CELF2: variants seen among roughly 807,000 people sequenced by gnomAD.
The protein encoded by CELF2 is CUG triplet repeat RNA-binding protein 2.
In CELF2, 8 loss-of-function variants were observed where a neutral mutation model predicts 62.6. That is an observed-to-expected ratio of 0.13 (90% confidence interval 0.07 to 0.23). The LOEUF is 0.23. Ranked by LOEUF, CELF2 falls within the 10% of genes least tolerant of loss-of-function variation. The pLI is 1.00. For missense variants in CELF2, 333 were observed against 671.0 expected (o/e 0.50, Z 5.56); for synonymous variants, 258 against 250.0 (o/e 1.03, Z -0.30).
At chr10:11,175,967 C>T (rs767932828) in intron 2 of CELF2, among the ~76,000 whole-genome samples, 8 of 152,188 alleles carry the variant, frequency 5.3e-5, no homozygotes, top group African/African-American at 9.7e-5. Flanking sequence ...AAACCAGTTT[C>T]GGGTTAGCCA....
Position 11,144,985 on chromosome 10 carries a change from C to G in CELF2, c.75-20501C>G, listed in dbSNP as rs149471074. The stretch of plus-strand genomic sequence containing the variant: ...GTTGAAAATATGCGAAGCTGTAAGA[C>G]TTTCTTGTTTATTTCTGTGTCGAAG... On this transcript the variant is annotated intron_variant, in intron 1 of 12. Coordinates refer to ENST00000633077, the MANE Select transcript of CELF2 (RefSeq NM_001326342.2). 8.0e-5 allele frequency among the ~76,000 whole-genome samples: 12 copies of G among 149,710 alleles called. 1 individual carries two copies. In the East Asian group the frequency reaches 2.2e-3, roughly 28 times the overall value.
chr10:11,167,961 C>G (rs60774675), intron 2 of CELF2, among the ~76,000 whole-genome samples: 1 of 152,142 alleles, frequency 6.6e-6, no homozygotes, highest in African/African-American at 2.4e-5. Context: ...CATGGTCCAT[C>G]TGTCTTCATG....
At chr10:10,591,365 G>A in the CELF2 span, among the ~76,000 whole-genome samples, 1 of 151,922 alleles carries the variant, frequency 6.6e-6, no homozygotes, top group Non-Finnish European at 1.5e-5. Context: ...AGATAACATG[G>A]GTATATGCTT....
chr10:10,567,373 G>C, the CELF2 span, among the ~76,000 whole-genome samples: 1 of 152,186 alleles, frequency 6.6e-6, no homozygotes, highest in Admixed American at 6.5e-5. Flanking sequence ...AGTGTCACAG[G>C]TCGGGTTCCC....
chr10:10,669,015 A>G, the CELF2 span, among the ~76,000 whole-genome samples: 1 of 152,202 alleles, frequency 6.6e-6, no homozygotes, highest in Non-Finnish European at 1.5e-5. Flanking sequence ...GACTATGAAT[A>G]TTAGTTGGTT....
At chr10:10,948,085 G>A (rs1216773156) in intron 2 of CELF2, among the ~76,000 whole-genome samples, 1 of 152,132 alleles carries the variant, frequency 6.6e-6, no homozygotes, top group Non-Finnish European at 1.5e-5. Flanking sequence ...CAGAAACCTG[G>A]GCTCATCAGA....
At chr10:10,807,937 C>A (rs2055404864) in intron 1 of CELF2, among the ~76,000 whole-genome samples, 1 of 152,136 alleles carries the variant, frequency 6.6e-6, no homozygotes, top group African/African-American at 2.4e-5. Context: ...CCCAGAGTAC[C>A]TGTCACAGAC....
At chr10:11,308,248 A>G (rs2094369094) in intron 9 of CELF2, among the ~76,000 whole-genome samples, 1 of 152,046 alleles carries the variant, frequency 6.6e-6, no homozygotes, top group Admixed American at 6.5e-5. Context: ...ATTTCTTTCC[A>G]TTTATCCTAC....
intron 1 of CELF2, among the ~76,000 whole-genome samples, chr10:11,135,713 T>C (rs770642965): frequency 6.6e-6 from 1 of 152,232 alleles, no homozygotes; most frequent in Non-Finnish European, 1.5e-5. Context: ...AATCCATCAT[T>C]ACTGCTCCCC....
intron 1 of CELF2, among the ~76,000 whole-genome samples, chr10:10,848,533 T>C (rs2059159655): frequency 6.6e-6 from 1 of 152,158 alleles, no homozygotes; most frequent in African/African-American, 2.4e-5. Context: ...AATCTTTAAA[T>C]TAAAGTAATT....
At chr10:11,028,791 C>G (rs188114704) in intron 1 of CELF2, among the ~76,000 whole-genome samples, 2 of 150,116 alleles carry the variant, frequency 1.3e-5, no homozygotes, top group Non-Finnish European at 2.9e-5. Flanking sequence ...GCGATCTTGG[C>G]TCACTGCAAC....
the CELF2 span, among the ~76,000 whole-genome samples, chr10:10,739,906 T>G: frequency 6.6e-6 from 1 of 152,230 alleles, no homozygotes; most frequent in Non-Finnish European, 1.5e-5. Context: ...GTATGTCTAT[T>G]TAGGTCCTTT....
At chr10:11,172,925 G>T (rs914485798) in intron 2 of CELF2, among the ~76,000 whole-genome samples, 26 of 152,278 alleles carry the variant, frequency 1.7e-4, no homozygotes, top group African/African-American at 5.3e-4. Context: ...GACTTCTTTG[G>T]TAGAAATGTG....
chr10:10,492,805 T>G, the CELF2 span, among the ~76,000 whole-genome samples: 5 of 152,212 alleles, frequency 3.3e-5, no homozygotes, highest in African/African-American at 1.2e-4. Context: ...GGGAAGGACC[T>G]GGTTGGAGAT....
the CELF2 span, among the ~76,000 whole-genome samples, chr10:10,506,269 C>CATGT: frequency 1.4e-5 from 2 of 146,714 alleles, no homozygotes; most frequent in Non-Finnish European, 3.0e-5. Context: ...AGATGCACTT[C>CATGT]GTGTGTGTGT....
At chr10:11,289,091 C>T (rs1388186137) in intron 9 of CELF2, among the ~76,000 whole-genome samples, 5 of 152,116 alleles carry the variant, frequency 3.3e-5, no homozygotes, top group African/African-American at 7.2e-5. Context: ...ATTTTGTTGC[C>T]TTGTTGTTCA....
At chr10:10,922,865 G>A (rs530167578) in intron 2 of CELF2, 2 of 152,058 alleles carry the variant, frequency 1.3e-5, no homozygotes, top group East Asian at 1.9e-4. Context: ...GTATTCTTTC[G>A]ACTTCTCCAG....
chr10:10,998,460 T>C (rs1279550804), intron 2 of CELF2, among the ~76,000 whole-genome samples: 1 of 152,220 alleles, frequency 6.6e-6, no homozygotes, highest in Non-Finnish European at 1.5e-5. Flanking sequence ...TTTCTACCAC[T>C]GCAATGTAAA....
At chr10:10,519,970 GTCC>G in the CELF2 span, among the ~76,000 whole-genome samples, 1 of 152,176 alleles carries the variant, frequency 6.6e-6, no homozygotes, top group African/African-American at 2.4e-5. Flanking sequence ...GAGGATGGCT[GTCC>G]TCCTGCCCAG....
Sources: gnomAD v4.1 joint callset for allele counts (sites outside exome capture counted in the v4.1 genomes callset) on GRCh38, gnomAD v4.1.1 for gene constraint, MANE v1.5 for transcripts, NCBI Gene and HGNC (gene_info 2026-07-23, HGNC 2026-07-21) for gene names.